The following FNDC3B variants were observed in gnomAD, a reference collection of about 807,000 sequenced individuals.
FNDC3B encodes fibronectin type III domain containing 3B, also known as fibronectin type III domain-containing protein 3B.
In FNDC3B, 12 loss-of-function variants were observed where a neutral mutation model predicts 151.5. That is an observed-to-expected ratio of 0.08 (90% CI 0.05 to 0.13). The LOEUF is 0.13. Among genes scored for constraint, FNDC3B ranks in the 10% least tolerant of loss-of-function variants. The pLI is 1.00. For missense variants in FNDC3B, 1,214 were observed against 1,505.3 expected, an observed-to-expected ratio of 0.81 and a Z score of 3.20; for synonymous variants, 528 against 549.0, an observed-to-expected ratio of 0.96 and a Z score of 0.54.
intron 1 of FNDC3B, among the ~76,000 whole-genome samples, chr3:172,048,443 T>C (rs986910236): frequency 9.2e-5 from 14 of 152,344 alleles, no homozygotes; most frequent in African/African-American, 3.4e-4. Context: ...AACATTATTC[T>C]GAAGTAGTGA....
At chr3:172,108,618 C>G (rs773439497) in intron 1 of FNDC3B, among the ~76,000 whole-genome samples, 2 of 152,230 alleles carry the variant, frequency 1.3e-5, no homozygotes, top group Non-Finnish European at 2.9e-5. Context: ...AGAGTGATGA[C>G]TGCTCATGAC....
intron 21 of FNDC3B, among the ~76,000 whole-genome samples, chr3:172,348,760 G>A (rs1244287085): frequency 6.6e-6 from 1 of 152,152 alleles, no homozygotes; most frequent in Non-Finnish European, 1.5e-5. Flanking sequence ...ATTAACAGGA[G>A]TAGAAATATA....
intron 4 of FNDC3B, among the ~76,000 whole-genome samples, chr3:172,244,172 A>G (rs977412724): frequency 6.6e-6 from 1 of 152,200 alleles, no homozygotes; most frequent in East Asian, 1.9e-4. Flanking sequence ...CTTAGCACAT[A>G]GTATGTGTCA....
intron 7 of FNDC3B, among the ~76,000 whole-genome samples, chr3:172,286,882 G>A (rs190849172): frequency 3.7e-4 from 57 of 152,284 alleles, no homozygotes; most frequent in African/African-American, 1.3e-3. Flanking sequence ...ATAGATGCAG[G>A]GAAGAGCAGT....
At chr3:172,084,942 T>G (rs374872994) in intron 1 of FNDC3B, among the ~76,000 whole-genome samples, 1 of 152,206 alleles carries the variant, frequency 6.6e-6, no homozygotes, top group Non-Finnish European at 1.5e-5. Flanking sequence ...GCCTTTCTTT[T>G]TTTGTCTTGG....
intron 11 of FNDC3B, among the ~76,000 whole-genome samples, chr3:172,318,895 A>G (rs183041624): frequency 1.8e-4 from 28 of 152,258 alleles, no homozygotes; most frequent in Admixed American, 1.6e-3. Context: ...CTGCCCCACT[A>G]TAGCTGCTAT....
At position 172,330,490 on chromosome 3, in the gene FNDC3B, C is replaced by G. The variant is rs1041457107; in HGVS notation, c.1380-51C>G. ...GCTGAGCCTTCCTCTTTTAAAATGC[C>G]AAGCCTCTTCACATGCTTCTAACTG... On this transcript the variant is annotated intron_variant, in intron 12 of 25. Coordinates refer to ENST00000415807, the MANE Select transcript of FNDC3B (RefSeq NM_022763.4). 8 of 1,513,514 alleles carry G rather than the reference C, an allele frequency of 5.3e-6. No homozygotes were observed. The African/African-American group carries it at 8.3e-5, about 16-fold the overall frequency. 93.8% of individuals were successfully genotyped at this position (1,513,514 alleles called of 1,614,324 possible).
rs1733623080 is a variant in FNDC3B, at chr3:172,346,532, G to A, written c.2364+92G>A. 3 of 653,334 alleles carry A rather than the reference G, an allele frequency of 4.6e-6. No homozygotes were observed. In the South Asian group the frequency reaches 5.8e-5, roughly 13 times the overall value. 40.5% of individuals were successfully genotyped at this position (653,334 alleles called of 1,614,324 possible). The stretch of plus-strand genomic sequence containing the variant: ...TATAAGGAAGCTGCAAATCCAAAAT[G>A]CACATATAGATGATTTTTTTTTTTT... On this transcript the variant is annotated intron_variant, in intron 20 of 25. Coordinates refer to ENST00000415807, the MANE Select transcript of FNDC3B (RefSeq NM_022763.4).
At chr3:172,293,484 T>G (rs776208454) in intron 7 of FNDC3B, among the ~76,000 whole-genome samples, 3 of 152,214 alleles carry the variant, frequency 2.0e-5, no homozygotes, top group Non-Finnish European at 4.4e-5. Context: ...AACAAACATT[T>G]ACTAAGCAAC....
chr3:172,343,087 C>G lies in FNDC3B; in HGVS notation c.2048C>G (p.Pro683Arg), dbSNP rs757759888. ...QCRPPRVLGRPKHKEVHLEWD... is the reference protein window; with the variant it reads ...QCRPPRVLGRRKHKEVHLEWD... ...CGACCACCGAGGGTTTTGGGTAGACCAAAGCACAAAGAAGTCCACTTAGAG... is the reference window on the plus strand; with the variant it reads ...CGACCACCGAGGGTTTTGGGTAGACGAAAGCACAAAGAAGTCCACTTAGAG... Residue 683 changes from proline (P) to arginine (R), a missense_variant, in exon 18 of 26, where the codon CCA becomes CGA. Transcript: ENST00000415807. 9 of 1,608,724 alleles carry G rather than the reference C, an allele frequency of 5.6e-6. No individual in the cohort carries two copies. In the African/African-American group the frequency reaches 1.1e-4, roughly 19 times the overall value.
chr3:172,330,603 C>T lies in FNDC3B; in HGVS notation c.1442C>T (p.Pro481Leu). The T allele has an allele frequency of 6.2e-7, 1 of 1,614,044 alleles. No homozygotes were observed. Among genetic ancestry groups the T allele is most frequent in the Non-Finnish European group, 8.5e-7 (1 of 1,179,936 alleles). Residue 481 changes from proline to leucine, a missense_variant, in exon 13 of 26, where the codon CCA becomes CTA. Around this residue, in one of 7 missense-constraint regions of FNDC3B, gnomAD observed 111 missense variants for 96.8 expected, o/e 1.15. Coordinates refer to ENST00000415807, the MANE Select transcript of FNDC3B (RefSeq NM_022763.4). ...AATATCCCTCAGATGCCTTCTGCAC[C>T]AAGGCTGGTTCGAGCTGGCATCACA... Reference protein sequence around the residue: ...LGNIPQMPSAPRLVRAGITWV... With the variant: ...LGNIPQMPSALRLVRAGITWV...
intron 3 of FNDC3B, among the ~76,000 whole-genome samples, chr3:172,190,005 C>G (rs534735174): frequency 6.6e-6 from 1 of 152,150 alleles, no homozygotes; most frequent in South Asian, 2.1e-4. Flanking sequence ...GAAACTGATA[C>G]GTCAAGTCTT....
At chr3:172,271,438 AC>A (rs1729195250) in intron 6 of FNDC3B, among the ~76,000 whole-genome samples, 1 of 152,184 alleles carries the variant, frequency 6.6e-6, no homozygotes. Context: ...TTTATAAAAA[AC>A]ATCTTGAAAA....
rs780955280 is a variant in FNDC3B at position 172,344,258 on chromosome 3, G to C, written c.2250G>C (p.Gly750=). 5.6e-6 allele frequency: 9 copies of C among 1,613,272 alleles called. No homozygotes were observed. The South Asian group carries it at 9.9e-5, about 18-fold the overall frequency. ...GGGTGAGGGCTCTGAATGATGGAGG[G>C]GTGAGTATAAGCCCATACACCATAA... ...RFRVRALNDG[G]YGPYSDVSEI... Residue 750 remains glycine, a splice_region_variant and synonymous_variant, in exon 19 of 26, where the codon GGG becomes GGC. Transcript: ENST00000415807.
chr3:172,246,805 T>C (rs1310356330), intron 4 of FNDC3B, among the ~76,000 whole-genome samples: 1 of 152,032 alleles, frequency 6.6e-6, no homozygotes, highest in Non-Finnish European at 1.5e-5. Context: ...ATGGATAGAG[T>C]GTTGATTGGC....
At chr3:172,325,721 A>G (rs1160886696) in intron 11 of FNDC3B, among the ~76,000 whole-genome samples, 1 of 152,160 alleles carries the variant, frequency 6.6e-6, no homozygotes, top group East Asian at 1.9e-4. Flanking sequence ...CACTGGAGCC[A>G]GTGGCCTTCT....
At chr3:172,131,134 C>T (rs1180632197) in intron 2 of FNDC3B, among the ~76,000 whole-genome samples, 6 of 152,180 alleles carry the variant, frequency 3.9e-5, no homozygotes, top group Admixed American at 2.0e-4. Flanking sequence ...CAGTGGCTCA[C>T]GCCTGTAATC....
chr3:172,251,760 C>T (rs1352262846), intron 6 of FNDC3B, among the ~76,000 whole-genome samples: 1 of 152,056 alleles, frequency 6.6e-6, no homozygotes, highest in African/African-American at 2.4e-5. Flanking sequence ...ACATTTTGGT[C>T]ACAGATGCCA....
chr3:172,070,363 C>A (rs531828627), intron 1 of FNDC3B, among the ~76,000 whole-genome samples: 1 of 152,236 alleles, frequency 6.6e-6, no homozygotes, highest in East Asian at 1.9e-4. Flanking sequence ...CAAAATAAGA[C>A]CCTTGGCTAT....
Sources: allele counts gnomAD v4.1 joint callset (sites outside exome capture counted in the v4.1 genomes callset), GRCh38; gene constraint gnomAD v4.1.1; regional missense constraint gnomAD v4.1.1; transcripts MANE v1.5; gene names NCBI Gene and HGNC (gene_info 2026-07-23, HGNC 2026-07-21).